Variants in ADGRL2 observed in about 807,000 individuals in gnomAD.
ADGRL2 encodes the protein calcium-independent alpha-latrotoxin receptor 2.
In ADGRL2, 44 loss-of-function variants were observed where a neutral mutation model predicts 157.4. The ratio of observed to expected loss-of-function variants is 0.28; its 90% CI spans 0.22 to 0.36. The LOEUF (loss-of-function observed/expected upper bound fraction) is 0.36. Among genes scored for constraint, ADGRL2 ranks in the 10% least tolerant of loss-of-function variants. The probability of loss-of-function intolerance (pLI) is 1.00; values close to 1 mark genes in which losing one functional copy is unlikely to be tolerated. For synonymous variants in ADGRL2, 585 were observed against 624.7 expected (o/e 0.94, Z 0.95); for missense variants, 1,510 against 1,768.9 (o/e 0.85, Z 2.63).
chr1:81,578,657 T>C (rs2080844128), intron 2 of ADGRL2, among the ~76,000 whole-genome samples: 1 of 152,058 alleles, frequency 6.6e-6, no homozygotes, highest in South Asian at 2.1e-4. Context: ...ATAATAAGAA[T>C]GATAGTATTT....
chr1:81,919,472 A>G (rs11582372), intron 3 of ADGRL2, among the ~76,000 whole-genome samples: 27,438 of 152,014 alleles, frequency 0.18, 3,241 homozygotes, highest in East Asian at 0.63. Context: ...TATATGAAGA[A>G]AACTATTATT....
chr1:81,675,039 G>A (rs183714488), intron 3 of ADGRL2, among the ~76,000 whole-genome samples: 28 of 152,146 alleles, frequency 1.8e-4, no homozygotes, highest in East Asian at 5.8e-4. Flanking sequence ...TCATGCAAAC[G>A]AATACCTTCC....
chr1:81,731,943 A>G (rs2084740016), intron 1 of ADGRL2, among the ~76,000 whole-genome samples: 1 of 152,158 alleles, frequency 6.6e-6, no homozygotes, highest in South Asian at 2.1e-4. Flanking sequence ...AAGGCACTTG[A>G]CCCATTATGC....
At chr1:81,969,419 T>C (rs930447982) in intron 15 of ADGRL2, 32 bp downstream of exon 15, 19 of 1,468,538 alleles carry the variant, frequency 1.3e-5, no homozygotes, top group Non-Finnish European at 1.8e-5. Context: ...TGACCTTAGA[T>C]CTCTGAAAAT....
At chr1:81,327,368 G>A (rs1174431356) in intron 1 of ADGRL2, among the ~76,000 whole-genome samples, 3 of 152,094 alleles carry the variant, frequency 2.0e-5, no homozygotes, top group African/African-American at 7.2e-5. Context: ...GATAATAAAG[G>A]TTCACTATCT....
At chr1:81,477,496 T>C (rs755793033) in intron 2 of ADGRL2, among the ~76,000 whole-genome samples, 13 of 152,166 alleles carry the variant, frequency 8.5e-5, no homozygotes, top group Non-Finnish European at 1.8e-4. Context: ...AAGAAACAAG[T>C]TTCCTGGCAA....
chr1:81,505,189 C>A (rs1423256250), intron 2 of ADGRL2: 2 of 503,884 alleles, frequency 4.0e-6, no homozygotes, highest in African/African-American at 2.6e-5. Context: ...CACACGCTCA[C>A]CCCCACTCCC....
chr1:81,878,530 CT>C (rs890855742), intron 2 of ADGRL2, among the ~76,000 whole-genome samples: 167 of 152,236 alleles, frequency 1.1e-3, no homozygotes, highest in African/African-American at 3.9e-3. Flanking sequence ...ATTTAATCGT[CT>C]TCTTCTTACT....
At chr1:81,376,753 G>T (rs2076257752) in intron 1 of ADGRL2, among the ~76,000 whole-genome samples, 1 of 152,144 alleles carries the variant, frequency 6.6e-6, no homozygotes, top group South Asian at 2.1e-4. Flanking sequence ...CCCAGGGGCT[G>T]ATCAGCCTCT....
At chr1:81,940,721 C>G (rs1380897368) in intron 4 of ADGRL2, among the ~76,000 whole-genome samples, 1 of 88,898 alleles carries the variant, frequency 1.1e-5, no homozygotes, top group African/African-American at 5.2e-5. Context: ...TTTGGAAATG[C>G]AGTATTAGCA....
chr1:81,467,240 G>C (rs1165222033), intron 2 of ADGRL2, among the ~76,000 whole-genome samples: 1 of 152,060 alleles, frequency 6.6e-6, no homozygotes, highest in African/African-American at 2.4e-5. Context: ...CTGCTGCATA[G>C]GGAGAATTAA....
At chr1:81,754,467 TCTCCC>T (rs1463232395) in intron 1 of ADGRL2, among the ~76,000 whole-genome samples, 2 of 117,844 alleles carry the variant, frequency 1.7e-5, no homozygotes, top group East Asian at 3.0e-4. Flanking sequence ...TCCTCCCCCT[TCTCCC>T]CTCCCCTCCC....
intron 2 of ADGRL2, among the ~76,000 whole-genome samples, chr1:81,520,153 T>A (rs2079278333): frequency 6.6e-6 from 1 of 152,200 alleles, no homozygotes; most frequent in Admixed American, 6.6e-5. Context: ...AAAAGTAATC[T>A]AGGCCCCCAG....
chr1:81,466,442 C>A (rs995479983), intron 2 of ADGRL2, among the ~76,000 whole-genome samples: 3 of 152,100 alleles, frequency 2.0e-5, no homozygotes, highest in Non-Finnish European at 4.4e-5. Flanking sequence ...CCAGCTTGAC[C>A]CTGCTCCAGT....
chr1:81,586,072 A>G (rs982091839), intron 3 of ADGRL2: 7 of 152,088 alleles, frequency 4.6e-5, no homozygotes, highest in Non-Finnish European at 1.0e-4. Flanking sequence ...GCTAAAGCCA[A>G]TGAAAATAAA....
chr1:81,770,041 CG>C (rs2086291149), intron 2 of ADGRL2, among the ~76,000 whole-genome samples: 1 of 144,908 alleles, frequency 6.9e-6, no homozygotes, highest in East Asian at 2.2e-4. Context: ...TTAGTAGAGG[CG>C]GGGTTTCACA....
chr1:81,380,860 A>G (rs534067874), intron 1 of ADGRL2, among the ~76,000 whole-genome samples: 1 of 152,250 alleles, frequency 6.6e-6, no homozygotes, highest in Non-Finnish European at 1.5e-5. Context: ...GTAGGAAAAA[A>G]AAATTGAAAT....
chr1:81,934,591 A>G (rs944862503), intron 3 of ADGRL2, among the ~76,000 whole-genome samples: 3 of 151,944 alleles, frequency 2.0e-5, no homozygotes, highest in East Asian at 1.9e-4. Flanking sequence ...TTTGAGTACA[A>G]TTCCCTCTCT....
At chr1:81,965,936 A>G (rs1656907753) in intron 11 of ADGRL2, 122 bp from the exon 12 acceptor site, 1 of 987,188 alleles carries the variant, frequency 1.0e-6, no homozygotes, top group African/African-American at 1.6e-5. Context: ...GAAACCTAAC[A>G]GTAAAATTTT....
Sources: gnomAD v4.1 joint callset for allele counts (sites outside exome capture counted in the v4.1 genomes callset) on GRCh38, gnomAD v4.1.1 for gene constraint, MANE v1.5 for transcripts, NCBI Gene and HGNC (gene_info 2026-07-23, HGNC 2026-07-21) for gene names.